MED12L: variants seen among roughly 807,000 people sequenced by gnomAD.
MED12L encodes the protein mediator complex subunit 12L, also known as mediator of RNA polymerase II transcription subunit 12-like protein.
Under a neutral mutation model 281.3 loss-of-function variants are expected in MED12L, and 60 were observed. That is an observed-to-expected ratio of 0.21 (90% CI 0.17 to 0.26). The LOEUF (loss-of-function observed/expected upper bound fraction) is 0.26, where lower values mean the gene tolerates loss of function less well. Among genes scored for constraint, MED12L ranks in the 10% least tolerant of loss-of-function variants. The pLI is 1.00. For synonymous variants in MED12L, 974 were observed against 987.2 expected, an observed-to-expected ratio of 0.99 and a Z score of 0.25; for missense variants, 2,146 against 2,680.9, an observed-to-expected ratio of 0.80 and a Z score of 4.41.
rs76965310 is a variant in MED12L at position 151,141,187 on chromosome 3, G to GTTTTTTTTTTTTTTGTTTTTTTTTTTTT, written c.556+13216_556+13217insTGTTTTTTTTTTTTTTTTTTTTTTTTTT. On this transcript the variant is annotated intron_variant, in intron 5 of 44. Coordinates refer to ENST00000687756, the MANE Select transcript of MED12L (RefSeq NM_001393769.1). ...TGGCGTTTTTTTTTTTGTTTTTTTT[G>GTTTTTTTTTTTTTTGTTTTTTTTTTTTT]TTTTTTTTTTTTTGTTAGTAGAGAC... Among the ~76,000 whole-genome samples the GTTTTTTTTTTTTTTGTTTTTTTTTTTTT allele has an allele frequency of 1.7e-4, 17 of 99,114 alleles. No individual in the cohort carries two copies. The South Asian group carries it at 4.8e-3, about 28-fold the overall frequency. The allele number at this position is 99,114 out of a possible 152,430, so 65.0% of individuals were successfully genotyped here. A position where few individuals can be genotyped will look rare whatever the true frequency, so the allele number is the denominator to read the frequency against.
At chr3:151,186,168 C>A (rs1723236755) in intron 12 of MED12L, among the ~76,000 whole-genome samples, 1 of 152,152 alleles carries the variant, frequency 6.6e-6, no homozygotes, top group African/African-American at 2.4e-5. Context: ...AAACTAAGTT[C>A]ATCAACATTA....
intron 16 of MED12L, among the ~76,000 whole-genome samples, chr3:151,341,945 T>C (rs949703288): frequency 3.3e-5 from 5 of 152,186 alleles, no homozygotes; most frequent in African/African-American, 9.7e-5. Flanking sequence ...CCATGGTGTA[T>C]ATGTGCCACA....
chr3:151,369,619 G>A, intron 26 of MED12L, 70 bp downstream of exon 26: 1 of 1,016,074 alleles, frequency 9.8e-7, no homozygotes, highest in South Asian at 1.6e-5. Flanking sequence ...TTATTTTCAG[G>A]TTTAAATCTA....
chr3:151,277,377 T>G (rs1742062813), intron 16 of MED12L, among the ~76,000 whole-genome samples: 1 of 152,238 alleles, frequency 6.6e-6, no homozygotes, highest in African/African-American at 2.4e-5. Flanking sequence ...ATTTTGGTAT[T>G]TTCCGAGTGC....
chr3:151,342,955 A>G (rs191403113), intron 16 of MED12L, among the ~76,000 whole-genome samples: 11 of 152,276 alleles, frequency 7.2e-5, no homozygotes, highest in South Asian at 2.1e-4. Context: ...AGGGGAACTG[A>G]AGAGCAGAGC....
At chr3:151,377,275 T>C (rs1419482737) in intron 30 of MED12L, 97 bp downstream of exon 30, 1 of 927,850 alleles carries the variant, frequency 1.1e-6, no homozygotes, top group African/African-American at 1.7e-5. Context: ...GTCATAGGAA[T>C]GTGAAGAACA....
chr3:151,287,690 C>T (rs1157305600), intron 16 of MED12L, among the ~76,000 whole-genome samples: 1 of 152,108 alleles, frequency 6.6e-6, no homozygotes, highest in African/African-American at 2.4e-5. Context: ...ATATAAGGTT[C>T]TTGTGGCGAT....
At chr3:151,187,542 T>C (rs1211244327) in intron 12 of MED12L, among the ~76,000 whole-genome samples, 1 of 152,186 alleles carries the variant, frequency 6.6e-6, no homozygotes, top group Non-Finnish European at 1.5e-5. Context: ...CTTAACATAA[T>C]TAGTATCTTG....
At chr3:151,224,607 C>T (rs1333082849) in intron 16 of MED12L, among the ~76,000 whole-genome samples, 1 of 152,190 alleles carries the variant, frequency 6.6e-6, no homozygotes, top group East Asian at 1.9e-4. Context: ...TGTCCGTGCC[C>T]TCTCTAGGCT....
intron 2 of MED12L, among the ~76,000 whole-genome samples, chr3:151,088,372 G>A (rs1355566545): frequency 1.1e-4 from 16 of 152,180 alleles, no homozygotes; most frequent in African/African-American, 3.9e-4. Context: ...CCCCAACTTA[G>A]AATGAAGTTA....
chr3:151,411,206 C>A lies in MED12L; in HGVS notation c.5911-72C>A, dbSNP rs1410313719. 7 of 1,345,808 alleles carry A rather than the reference C, an allele frequency of 5.2e-6. No individual in the cohort carries two copies. The African/African-American group carries it at 5.8e-5, about 11-fold the overall frequency. The allele number at this position is 1,345,808 out of a possible 1,614,324, so 83.4% of individuals were successfully genotyped here. ...AGTCCTCATGGGTTTGTTTTTGCCC[C>A]ATATATCGTAGTGATGGGAAAGCTA... On this transcript the variant is annotated intron_variant, in intron 40 of 44. Coordinates refer to ENST00000687756, the MANE Select transcript of MED12L (RefSeq NM_001393769.1).
intron 16 of MED12L, chr3:151,213,731 A>G (rs958147565): frequency 5.6e-6 from 9 of 1,614,106 alleles, no homozygotes; most frequent in Non-Finnish European, 7.6e-6. Flanking sequence ...AACACAATCC[A>G]GAAGATGGCC....
intron 44 of MED12L, 69 bp from the exon 45 acceptor site, chr3:151,432,681 CAA>C (rs1168619507): frequency 1.8e-6 from 2 of 1,126,448 alleles, no homozygotes; most frequent in Middle Eastern, 1.9e-4. Flanking sequence ...AGAGCAGTGA[CAA>C]GAGGGTAGCA....
intron 5 of MED12L, among the ~76,000 whole-genome samples, chr3:151,150,438 C>T (rs1003713739): frequency 6.6e-6 from 1 of 152,100 alleles, no homozygotes; most frequent in Non-Finnish European, 1.5e-5. Flanking sequence ...GTCCTGTCCT[C>T]CAGGCTTTGT....
chr3:151,436,395 C>T lies in MED12L; in HGVS notation c.*3591C>T, dbSNP rs1415695286. 1 of 238,972 alleles carries T rather than the reference C, an allele frequency of 4.2e-6. No homozygotes were observed. The highest frequency in any genetic ancestry group is 8.1e-6 in the Non-Finnish European group (1 of 123,616). 14.8% of individuals were successfully genotyped at this position (238,972 alleles called of 1,614,324 possible). On this transcript the variant is annotated 3_prime_UTR_variant, in exon 45 of 45. Coordinates refer to ENST00000687756, the MANE Select transcript of MED12L (RefSeq NM_001393769.1). Reference sequence around the variant, plus strand: ...AAGTTCATTTTTTTACTGAAAAATTCAGGTACATTAGCCATTTGTTATTTT... The same window carrying T: ...AAGTTCATTTTTTTACTGAAAAATTTAGGTACATTAGCCATTTGTTATTTT...
intron 11 of MED12L, among the ~76,000 whole-genome samples, chr3:151,171,224 G>A (rs1721386797): frequency 6.6e-6 from 1 of 152,204 alleles, no homozygotes; most frequent in Non-Finnish European, 1.5e-5. Flanking sequence ...GGGACCCCTG[G>A]TTTCCACATG....
intron 9 of MED12L, 131 bp from the exon 10 acceptor site, chr3:151,165,288 TG>T: frequency 2.2e-6 from 1 of 463,984 alleles, no homozygotes; most frequent in Admixed American, 4.2e-5. Context: ...GGCCACAGGC[TG>T]CATTTCTTAC....
intron 36 of MED12L, 103 bp from the exon 37 acceptor site, chr3:151,387,707 C>A: frequency 7.1e-7 from 1 of 1,402,104 alleles, no homozygotes; most frequent in Non-Finnish European, 9.7e-7. Flanking sequence ...CTCTAGGGCT[C>A]ATGCCAGCCA....
chr3:151,171,389 C>T (rs914050920), intron 11 of MED12L, among the ~76,000 whole-genome samples: 20 of 152,208 alleles, frequency 1.3e-4, no homozygotes, highest in Admixed American at 9.8e-4. Context: ...TTTAGGGTGC[C>T]TCAAGGACAT....
Sources: allele counts gnomAD v4.1 joint callset (sites outside exome capture counted in the v4.1 genomes callset), GRCh38; gene constraint gnomAD v4.1.1; transcripts MANE v1.5; gene names NCBI Gene and HGNC (gene_info 2026-07-23, HGNC 2026-07-21).